Variants in RIGI observed in about 807,000 individuals in gnomAD.
The protein encoded by RIGI is RNA sensor RIG-I, also known as antiviral innate immune response receptor RIG-I.
At chr9:32,458,098 G>A in the RIGI span, among the ~76,000 whole-genome samples, 5 of 152,148 alleles carry the variant, frequency 3.3e-5, no homozygotes, top group African/African-American at 9.7e-5. Context: ...AGAGATTTCT[G>A]CTTTCTGAAG....
chr9:32,473,008 A>G, the RIGI span: 2 of 1,610,610 alleles, frequency 1.2e-6, no homozygotes, highest in African/African-American at 1.3e-5. Flanking sequence ...CGTCCAGTCA[A>G]TATGCCAGGT....
the RIGI span, among the ~76,000 whole-genome samples, chr9:32,477,924 C>CA: frequency 3.3e-5 from 5 of 149,492 alleles, no homozygotes; most frequent in African/African-American, 9.9e-5. Flanking sequence ...TACTCTGTCT[C>CA]AAAAAAAAGG....
the RIGI span, chr9:32,500,811 G>A: frequency 6.2e-7 from 1 of 1,613,652 alleles, no homozygotes; most frequent in Non-Finnish European, 8.5e-7. Flanking sequence ...TAACCTGCAT[G>A]GTCTAGGGCA....
At chr9:32,515,266 C>T in the RIGI span, among the ~76,000 whole-genome samples, 6 of 143,028 alleles carry the variant, frequency 4.2e-5, no homozygotes, top group Non-Finnish European at 9.0e-5. Context: ...TGCAGTGAGC[C>T]GAGATCAGAC....
chr9:32,495,393 G>A, the RIGI span, among the ~76,000 whole-genome samples: 3 of 152,124 alleles, frequency 2.0e-5, no homozygotes, highest in Middle Eastern at 6.8e-3. Flanking sequence ...AGTAGAGATG[G>A]GGTTTCACCA....
chr9:32,522,622 T>C, the RIGI span, among the ~76,000 whole-genome samples: 1 of 152,218 alleles, frequency 6.6e-6, no homozygotes, highest in Admixed American at 6.5e-5. Context: ...CTGTGATATG[T>C]CTTTGGTGGA....
At chr9:32,502,107 AATCATACAATACATAGTCTATGTCTGGC>A in the RIGI span, among the ~76,000 whole-genome samples, 1,491 of 152,336 alleles carry the variant, frequency 9.8e-3, 19 homozygotes, top group Admixed American at 0.019. Context: ...ATATTAATGG[AATCATACAATACATAGTCTATGTCTGGC>A]CTCTTACTTT....
chr9:32,494,678 T>G, the RIGI span, among the ~76,000 whole-genome samples: 20 of 152,176 alleles, frequency 1.3e-4, no homozygotes, highest in African/African-American at 4.6e-4. Flanking sequence ...AACTATTCCT[T>G]TTTCTCTCCT....
the RIGI span, among the ~76,000 whole-genome samples, chr9:32,477,939 A>AG: frequency 1.3e-5 from 2 of 152,146 alleles, no homozygotes; most frequent in African/African-American, 4.8e-5. Context: ...AAAAGGAAAA[A>AG]GAAAAAAAAT....
chr9:32,465,490 G>T, the RIGI span, among the ~76,000 whole-genome samples: 5 of 152,072 alleles, frequency 3.3e-5, no homozygotes, highest in Admixed American at 2.6e-4. Context: ...CTCATTTCTT[G>T]GGCACGTATT....
the RIGI span, chr9:32,480,345 CA>C: frequency 6.9e-6 from 11 of 1,586,636 alleles, 1 homozygote; most frequent in South Asian, 1.1e-4. Flanking sequence ...ATGAGGGCAT[CA>C]TTATATTTCT....
chr9:32,478,793 C>G, the RIGI span, among the ~76,000 whole-genome samples: 1 of 152,126 alleles, frequency 6.6e-6, no homozygotes, highest in African/African-American at 2.4e-5. Flanking sequence ...CTCCTGAGCT[C>G]AAGTAATCCA....
At chr9:32,461,434 G>A in the RIGI span, among the ~76,000 whole-genome samples, 6 of 152,164 alleles carry the variant, frequency 3.9e-5, no homozygotes, top group Non-Finnish European at 7.4e-5. Context: ...TTATGGTGGC[G>A]CCTCTCCATA....
chr9:32,488,840 T>G, the RIGI span: 1 of 1,613,358 alleles, frequency 6.2e-7, no homozygotes, highest in South Asian at 1.1e-5. Flanking sequence ...GGGAATTTTT[T>G]AAGATGATGT....
chr9:32,476,751 C>T, the RIGI span, among the ~76,000 whole-genome samples: 1 of 151,864 alleles, frequency 6.6e-6, no homozygotes, highest in East Asian at 1.9e-4. Flanking sequence ...TAGCCTTAGC[C>T]TCCCAAGTAA....
the RIGI span, chr9:32,457,157 T>C: frequency 6.2e-7 from 1 of 1,613,888 alleles, no homozygotes; most frequent in Non-Finnish European, 8.5e-7. Flanking sequence ...AATGGTATCT[T>C]CTCAAAATGA....
At chr9:32,463,118 AT>A in the RIGI span, among the ~76,000 whole-genome samples, 7 of 152,200 alleles carry the variant, frequency 4.6e-5, no homozygotes, top group Non-Finnish European at 1.5e-5. Context: ...TCTCAAAAAA[AT>A]AAATAAGAAA....
chr9:32,501,511 G>A, the RIGI span, among the ~76,000 whole-genome samples: 1 of 151,934 alleles, frequency 6.6e-6, no homozygotes, highest in Non-Finnish European at 1.5e-5. Flanking sequence ...TCTTGAAATA[G>A]GACAAAGAAA....
the RIGI span, among the ~76,000 whole-genome samples, chr9:32,496,907 T>C: frequency 2.0e-5 from 3 of 152,226 alleles, no homozygotes; most frequent in African/African-American, 7.2e-5. Flanking sequence ...TCTTTTGGCC[T>C]ATTTGTCTGT....
Sources: gnomAD v4.1 joint callset for allele counts (sites outside exome capture counted in the v4.1 genomes callset) on GRCh38, gnomAD v4.1.1 for gene constraint, MANE v1.5 for transcripts, NCBI Gene and HGNC (gene_info 2026-07-23, HGNC 2026-07-21) for gene names.